Variants in ZFP36L1 observed in about 807,000 individuals in gnomAD.
ZFP36L1 encodes ZFP36 like 1 zinc finger CCCH-type, also known as mRNA decay activator protein ZFP36L1.
ZFP36L1 carries 4 observed loss-of-function variants against 16.7 expected under a neutral mutation model. That is an observed-to-expected ratio of 0.24 (90% CI 0.12 to 0.55). The LOEUF (loss-of-function observed/expected upper bound fraction) is 0.55, where lower values mean the gene tolerates loss of function less well. Among genes scored for constraint, ZFP36L1 ranks in the 20% least tolerant of loss-of-function variants. The probability of loss-of-function intolerance (pLI) is 0.94; values close to 1 mark genes in which losing one functional copy is unlikely to be tolerated. For missense variants in ZFP36L1, 311 were observed against 449.2 expected (o/e 0.69, Z 2.78); for synonymous variants, 220 against 190.8 (o/e 1.15, Z -1.26).
chr14:68,788,227 C>T lies in ZFP36L1; in HGVS notation c.*1306G>A, dbSNP rs1209835738. The T allele has an allele frequency of 6.6e-6, 1 of 151,564 alleles. No homozygotes were observed. Among genetic ancestry groups the T allele is most frequent in the Admixed American group, 6.6e-5 (1 of 15,230 alleles). The allele number at this position is 151,564 out of a possible 1,614,324, so 9.4% of individuals were successfully genotyped here. Reference sequence around the variant, plus strand: ...AAACTGTGGAAAAAAAGGAAAAAGACACGTCACAAAATTTTAAGATTAATA... The same window carrying T: ...AAACTGTGGAAAAAAAGGAAAAAGATACGTCACAAAATTTTAAGATTAATA... On this transcript the variant is annotated 3_prime_UTR_variant, in exon 2 of 2. Coordinates refer to ENST00000439696, the MANE Select transcript of ZFP36L1 (RefSeq NM_004926.4).
intron 1 of ZFP36L1, among the ~76,000 whole-genome samples, chr14:68,791,865 T>C (rs989410354): frequency 6.6e-6 from 1 of 152,138 alleles, no homozygotes; most frequent in Non-Finnish European, 1.5e-5. Flanking sequence ...CCCTGGGGCG[T>C]TGGCAGCTGC....
Position 68,788,189 on chromosome 14 carries a change from GA to G in ZFP36L1, c.*1343del, listed in dbSNP as rs1405266167. ...TAAAGTTACAAAAAATGTCGTTGAA[GA>G]ATAATATATTAAAACTGTGGAAAAA... On this transcript the variant is annotated 3_prime_UTR_variant, in exon 2 of 2. Transcript: ENST00000439696. The G allele has an allele frequency of 6.6e-6, 1 of 151,240 alleles. No homozygotes were observed. Among genetic ancestry groups the G allele is most frequent in the African/African-American group, 2.4e-5 (1 of 41,090 alleles). The allele number at this position is 151,240 out of a possible 1,614,324, so 9.4% of individuals were successfully genotyped here. A position where few individuals can be genotyped will look rare whatever the true frequency, so the allele number is the denominator to read the frequency against.
upstream of ZFP36L1, chr14:68,793,557 G>T: frequency 2.0e-6 from 2 of 985,974 alleles, no homozygotes; most frequent in African/African-American, 1.7e-5. Context: ...TTTTGCCAGC[G>T]GGAGCTGAAG....
intron 1 of ZFP36L1, 46 bp downstream of exon 1, chr14:68,792,836 A>T: frequency 6.2e-7 from 1 of 1,612,816 alleles, no homozygotes. Flanking sequence ...TTCTTAAGGC[A>T]AAAGAAAAAG....
At chr14:68,790,924 G>T in intron 1 of ZFP36L1, 1 of 603,930 alleles carries the variant, frequency 1.7e-6, no homozygotes, top group South Asian at 1.9e-5. Flanking sequence ...TCTATCATAG[G>T]CTACGTTAGG....
intron 1 of ZFP36L1, chr14:68,790,847 T>A: frequency 1.7e-6 from 1 of 585,934 alleles, no homozygotes; most frequent in African/African-American, 1.9e-5. Flanking sequence ...AACCCAGACC[T>A]CTCTAGATTA....
upstream of ZFP36L1, among the ~76,000 whole-genome samples, chr14:68,795,191 T>A (rs1895215084): frequency 6.6e-6 from 1 of 152,170 alleles, no homozygotes; most frequent in South Asian, 2.1e-4. Flanking sequence ...GATGAGGTAA[T>A]GAGTTCCAGA....
upstream of ZFP36L1, chr14:68,793,657 C>T: frequency 8.1e-6 from 8 of 985,560 alleles, no homozygotes; most frequent in Non-Finnish European, 8.4e-6. Context: ...TACCTTTTCC[C>T]GACTTCTCTT....
rs775830921 is a variant in ZFP36L1, at chr14:68,789,704, C to A, written c.846G>T (p.Met282Ile). Residue 282 changes from methionine to isoleucine, a missense_variant, in exon 2 of 2, where the codon ATG becomes ATT. This residue lies in a region of ZFP36L1 where 147 missense variants were observed against 192.0 expected (regional missense o/e 0.77). Transcript: ENST00000439696. The surrounding 1 kb of genome is among the most constrained non-coding windows in gnomAD (Gnocchi z 4.5). ...AGTCAAACATGTGAGGGGACTCGGACATGGGCCGGAAGAGGAAGGTGGTCG... is the reference window on the plus strand; with the variant it reads ...AGTCAAACATGTGAGGGGACTCGGAAATGGGCCGGAAGAGGAAGGTGGTCG... ...GSPTTFLFRP[M>I]SESPHMFDSP... 6.2e-7 allele frequency: 1 copy of A among 1,614,064 alleles called. No individual in the cohort carries two copies. The highest frequency in any genetic ancestry group is 8.5e-7 in the Non-Finnish European group (1 of 1,179,996).
chr14:68,793,481 C>T, upstream of ZFP36L1: 2 of 987,474 alleles, frequency 2.0e-6, no homozygotes, highest in Non-Finnish European at 2.4e-6. Context: ...CATTCCACTC[C>T]CTCCGGGGTT....
intron 1 of ZFP36L1, 54 bp from the exon 2 acceptor site, chr14:68,790,546 C>G: frequency 6.3e-7 from 1 of 1,599,264 alleles, no homozygotes; most frequent in Non-Finnish European, 8.5e-7. Flanking sequence ...CCAGGATGTC[C>G]ACTATGGGCA....
chr14:68,788,493 C>T lies in ZFP36L1; in HGVS notation c.*1040G>A, dbSNP rs1419438157. On this transcript the variant is annotated 3_prime_UTR_variant, in exon 2 of 2. Coordinates refer to ENST00000439696, the MANE Select transcript of ZFP36L1 (RefSeq NM_004926.4). ...CGTGAGTGCTCTAAGGATAGACCTA[C>T]GGTATTCTAGAGCAAAAACCATTAA... The T allele has an allele frequency of 1.3e-5, 2 of 152,672 alleles. No homozygotes were observed. Among genetic ancestry groups the T allele is most frequent in the Admixed American group, 6.5e-5 (1 of 15,292 alleles). The allele number at this position is 152,672 out of a possible 1,614,324, so 9.5% of individuals were successfully genotyped here.
upstream of ZFP36L1, chr14:68,793,930 G>C (rs1016863329): frequency 7.1e-6 from 7 of 983,908 alleles, no homozygotes; most frequent in African/African-American, 1.0e-4. Context: ...GTGGGCGGGT[G>C]GGGGGCGCCG....
chr14:68,795,167 T>C (rs1470610925), upstream of ZFP36L1, among the ~76,000 whole-genome samples: 2 of 152,198 alleles, frequency 1.3e-5, no homozygotes, highest in Non-Finnish European at 2.9e-5. Context: ...AGAGATTTCG[T>C]GCAGTTTCTT....
chr14:68,793,211 G>A (rs553088929), upstream of ZFP36L1: 155 of 1,127,108 alleles, frequency 1.4e-4, no homozygotes, highest in African/African-American at 2.3e-3. Context: ...CGGTCAGGCG[G>A]GGAGGGGGGG....
chr14:68,788,627 T>C lies in ZFP36L1; in HGVS notation c.*906A>G, dbSNP rs531418739. 6.7e-6 allele frequency: 1 copy of C among 149,886 alleles called. No individual in the cohort carries two copies. Among genetic ancestry groups the C allele is most frequent in the African/African-American group, 2.4e-5 (1 of 41,014 alleles). 9.3% of individuals were successfully genotyped at this position (149,886 alleles called of 1,614,324 possible). A position where few individuals can be genotyped will look rare whatever the true frequency, so the allele number is the denominator to read the frequency against. The stretch of plus-strand genomic sequence containing the variant: ...TTTAGCTTTTCTCTCATTTTTTTTT[T>C]GTTGTTATTTTTTTTAAAAAGATGT... On this transcript the variant is annotated 3_prime_UTR_variant, in exon 2 of 2. Coordinates refer to ENST00000439696, the MANE Select transcript of ZFP36L1 (RefSeq NM_004926.4).
In ZFP36L1 at chr14:68,789,646, G is replaced by C. The variant is rs750164977; in HGVS notation, c.904C>G (p.Gln302Glu). 7 of 1,613,804 alleles carry C rather than the reference G, an allele frequency of 4.3e-6. No individual in the cohort carries two copies. Among genetic ancestry groups the C allele is most frequent in the Non-Finnish European group, 5.9e-6 (7 of 1,179,804 alleles). The change falls in exon 2 of 2, where the codon CAG becomes GAG. Residue 302 changes from glutamine (Q) to glutamate (E), a missense_variant. Transcript: ENST00000439696. This position sits in a 1 kb window ranked among gnomAD's most constrained non-coding sequence, Gnocchi z 4.5. ...PPSPQDSLSD[Q>E]EGYLSSSSSS... ...CTGGAGCTGCTCAGGTAGCCCTCCT[G>C]GTCCGAGAGAGAATCCTGAGGGCTG...
chr14:68,791,013 G>T, intron 1 of ZFP36L1: 1 of 701,770 alleles, frequency 1.4e-6, no homozygotes, highest in Non-Finnish European at 2.6e-6. Flanking sequence ...TCCTCCTTCA[G>T]AAGTGTTCCC....
chr14:68,794,334 G>A (rs1412026472), upstream of ZFP36L1: 3 of 152,252 alleles, frequency 2.0e-5, no homozygotes, highest in Admixed American at 6.5e-5. Flanking sequence ...TGGAGAGGGG[G>A]ACATGGGAGC....
Sources: allele counts gnomAD v4.1 joint callset (sites outside exome capture counted in the v4.1 genomes callset), GRCh38; gene constraint gnomAD v4.1.1; regional missense constraint gnomAD v4.1.1; non-coding constraint Gnocchi (gnomAD v3.1); transcripts MANE v1.5; gene names NCBI Gene and HGNC (gene_info 2026-07-23, HGNC 2026-07-21).